The following COPE variants were observed in gnomAD, a reference collection of about 807,000 sequenced individuals.
COPE encodes coatomer subunit epsilon.
In COPE, 19 loss-of-function variants were observed where a neutral mutation model predicts 42.1. The observed-to-expected ratio is 0.45, with a 90% CI of 0.31 to 0.66. The LOEUF (loss-of-function observed/expected upper bound fraction) is 0.66, where lower values mean the gene tolerates loss of function less well. Among genes scored for constraint, COPE ranks in the 30% least tolerant of loss-of-function variants. COPE has a pLI of 0.05. For synonymous variants in COPE, 195 were observed against 181.3 expected (o/e 1.08, Z -0.60); for missense variants, 402 against 416.1 (o/e 0.97, Z 0.30).
intron 3 of COPE, among the ~76,000 whole-genome samples, chr19:18,908,719 G>C (rs573989894): frequency 4.6e-5 from 7 of 151,526 alleles, no homozygotes; most frequent in African/African-American, 1.7e-4. Flanking sequence ...GGGGTTTCAC[G>C]TGTTAGCCAG....
chr19:18,912,914 GCCTT>G (rs930169839), intron 2 of COPE, 66 bp downstream of exon 2: 7 of 1,501,936 alleles, frequency 4.7e-6, no homozygotes, highest in African/African-American at 1.4e-5. Flanking sequence ...ACTCTGTGGT[GCCTT>G]CCTGTCCCCA....
At chr19:18,913,164 G>T in intron 1 of COPE, 118 bp from the exon 2 acceptor site, 1 of 861,602 alleles carries the variant, frequency 1.2e-6, no homozygotes, top group Non-Finnish European at 1.9e-6. Flanking sequence ...CGGCAGGGTT[G>T]GAGGTCTGAG....
At chr19:18,903,927 C>T (rs1355961461) in intron 6 of COPE, among the ~76,000 whole-genome samples, 2 of 152,254 alleles carry the variant, frequency 1.3e-5, no homozygotes, top group African/African-American at 4.8e-5. Flanking sequence ...GGAAGTCTGT[C>T]TGGGTGAGGC....
intron 3 of COPE, among the ~76,000 whole-genome samples, chr19:18,907,484 A>C (rs2056771767): frequency 6.6e-6 from 1 of 152,168 alleles, no homozygotes; most frequent in Admixed American, 6.5e-5. Flanking sequence ...TTCTAGCAGG[A>C]GGTCGGCCTG....
intron 4 of COPE, 70 bp downstream of exon 4, chr19:18,906,890 G>A: frequency 6.8e-7 from 1 of 1,473,996 alleles, no homozygotes; most frequent in South Asian, 1.3e-5. Flanking sequence ...GCGAGGCCGT[G>A]CGCAGCCTGG....
At chr19:18,901,014 C>T (rs1451458926) in intron 7 of COPE, among the ~76,000 whole-genome samples, 1 of 152,220 alleles carries the variant, frequency 6.6e-6, no homozygotes, top group Non-Finnish European at 1.5e-5. Context: ...TGGCAGGGCA[C>T]CTTTTTGCAG....
In COPE at chr19:18,911,048, AT is replaced by A. The variant is rs1350074710; in HGVS notation, c.212del (p.Asp71ValfsTer38). On this transcript the variant is annotated frameshift_variant, in exon 3 of 10. Transcript: ENST00000262812. LOFTEE classifies it high-confidence loss of function. ...CAGGGGCCGAGGAGGGCTTGATCTC[AT>A]CCAGGACCACACCGAACTTCCTCTG... ...LAQRKFGVVL[D>X]EIKPSSAPEL... is the part of the protein sequence containing the mutation. 1 of 1,613,140 alleles carries A rather than the reference AT, an allele frequency of 6.2e-7. No individual in the cohort carries two copies.
In COPE at chr19:18,914,528, A is replaced by C. The variant is rs551568112; in HGVS notation, c.127-1482T>G. ...TGCACTCCAGCCTAGGTGACAGAGC[A>C]AGACTCCATCTCAATAAAAAATAAA... On this transcript the variant is annotated intron_variant, in intron 1 of 9. Coordinates refer to ENST00000262812, the MANE Select transcript of COPE (RefSeq NM_007263.4). 1.5e-4 allele frequency among the ~76,000 whole-genome samples: 23 copies of C among 151,998 alleles called. No homozygotes were observed. The South Asian group carries it at 3.5e-3, about 23-fold the overall frequency.
At chr19:18,914,835 C>T (rs1568323083) in intron 1 of COPE, among the ~76,000 whole-genome samples, 1 of 146,510 alleles carries the variant, frequency 6.8e-6, no homozygotes, top group Non-Finnish European at 1.5e-5. Context: ...CGGCTCACTA[C>T]AACCTCTGCC....
chr19:18,900,020 G>A (rs1039216678), intron 8 of COPE, 73 bp from the exon 9 acceptor site: 22 of 1,338,630 alleles, frequency 1.6e-5, no homozygotes, highest in Admixed American at 1.5e-4. Context: ...CTGGACAGGG[G>A]TGGATTGGGG....
chr19:18,914,477 G>C (rs1254464673), intron 1 of COPE, among the ~76,000 whole-genome samples: 3 of 151,832 alleles, frequency 2.0e-5, no homozygotes, highest in Admixed American at 6.6e-5. Flanking sequence ...GGAGATAGAG[G>C]CTGTAGTAAG....
At chr19:18,903,533 G>A in intron 6 of COPE, 110 bp from the exon 7 acceptor site, 1 of 1,280,034 alleles carries the variant, frequency 7.8e-7, no homozygotes, top group Non-Finnish European at 1.0e-6. Context: ...GACGAATCTG[G>A]TGTGCCCGGT....
chr19:18,909,254 G>A (rs907196014), intron 3 of COPE, among the ~76,000 whole-genome samples: 2 of 152,220 alleles, frequency 1.3e-5, no homozygotes, highest in Non-Finnish European at 2.9e-5. Flanking sequence ...GAGGTCACCT[G>A]TCTCAATGTC....
At chr19:18,912,629 C>T (rs55639837) in intron 2 of COPE, among the ~76,000 whole-genome samples, 2,114 of 151,822 alleles carry the variant, frequency 0.014, 45 homozygotes, top group African/African-American at 0.044. Context: ...TGGTGGCGCA[C>T]GCCTGTAGTC....
intron 3 of COPE, 158 bp downstream of exon 3, chr19:18,910,813 A>ATTTCCCTC: frequency 1.5e-6 from 1 of 651,494 alleles, no homozygotes; most frequent in East Asian, 2.7e-5. Context: ...CAGGTGAGGG[A>ATTTCCCTC]AACTGAGGCA....
At chr19:18,906,853 C>A in intron 4 of COPE, 107 bp downstream of exon 4, 1 of 1,330,706 alleles carries the variant, frequency 7.5e-7, no homozygotes, top group South Asian at 1.5e-5. Context: ...TCAGCACCAC[C>A]TTTCTCTGCT....
chr19:18,900,553 G>A, intron 7 of COPE, 104 bp from the exon 8 acceptor site: 1 of 859,938 alleles, frequency 1.2e-6, no homozygotes, highest in Non-Finnish European at 1.8e-6. Context: ...CACCTCCTCA[G>A]AGGTGGGGTG....
intron 2 of COPE, chr19:18,911,345 C>T (rs1370284613): frequency 2.1e-6 from 1 of 467,382 alleles, no homozygotes; most frequent in South Asian, 2.4e-5. Flanking sequence ...AGCTGTCCAC[C>T]TCTGGTGGTG....
At chr19:18,905,430 G>T in intron 5 of COPE, 146 bp downstream of exon 5, 1 of 753,770 alleles carries the variant, frequency 1.3e-6, no homozygotes, top group Non-Finnish European at 2.1e-6. Context: ...CTGCAGGGAA[G>T]GGCTGAACGA....
Sources: gnomAD v4.1 joint callset for allele counts (sites outside exome capture counted in the v4.1 genomes callset) on GRCh38, gnomAD v4.1.1 for gene constraint, MANE v1.5 for transcripts, NCBI Gene and HGNC (gene_info 2026-07-23, HGNC 2026-07-21) for gene names.